Variants in PLD5 observed in about 807,000 individuals in gnomAD.
PLD5 encodes phospholipase D family member 5.
In PLD5, 36 loss-of-function variants were observed where a neutral mutation model predicts 61.1. The observed-to-expected ratio is 0.59, with a 90% CI of 0.45 to 0.78. PLD5 has a LOEUF of 0.78. Among genes scored for constraint, PLD5 ranks in the 30% least tolerant of loss-of-function variants. The pLI, the probability that PLD5 is intolerant of heterozygous loss-of-function variation, is 0.00. For missense variants in PLD5, 515 were observed against 644.4 expected (o/e 0.80, Z 2.17); for synonymous variants, 243 against 242.8 (o/e 1.00, Z -0.01).
At chr1:242,267,680 G>A (rs1382877080) in intron 3 of PLD5, among the ~76,000 whole-genome samples, 1 of 149,280 alleles carries the variant, frequency 6.7e-6, no homozygotes, top group East Asian at 2.0e-4. Context: ...AGGAGTTCGA[G>A]ACCAGCCTGG....
chr1:242,139,022 C>A (rs906134648), intron 5 of PLD5, among the ~76,000 whole-genome samples: 2 of 152,182 alleles, frequency 1.3e-5, no homozygotes, highest in Admixed American at 6.5e-5. Flanking sequence ...CTGACTCAAG[C>A]ATGCTGTCAC....
intron 1 of PLD5, among the ~76,000 whole-genome samples, chr1:242,359,101 T>C (rs1660923755): frequency 6.6e-6 from 1 of 152,168 alleles, no homozygotes; most frequent in South Asian, 2.1e-4. Flanking sequence ...ATCACGGTAC[T>C]GCTGGCAGGT....
chr1:242,128,509 A>G (rs1662980505), intron 5 of PLD5, among the ~76,000 whole-genome samples: 1 of 152,224 alleles, frequency 6.6e-6, no homozygotes, highest in African/African-American at 2.4e-5. Context: ...GAATGATATT[A>G]AATGAAGTAG....
chr1:242,236,102 G>A (rs1671623282), intron 4 of PLD5, among the ~76,000 whole-genome samples: 1 of 152,108 alleles, frequency 6.6e-6, no homozygotes, highest in African/African-American at 2.4e-5. Context: ...GCCCCAGAGA[G>A]ACCCCCAATT....
rs1659614097 is a variant in PLD5 at position 242,089,037 on chromosome 1, A to G, written c.*817T>C. 1 of 317,858 alleles carries G rather than the reference A, an allele frequency of 3.1e-6. No homozygotes were observed. Among genetic ancestry groups the G allele is most frequent in the Non-Finnish European group, 5.7e-6 (1 of 176,130 alleles). 19.7% of individuals were successfully genotyped at this position (317,858 alleles called of 1,614,324 possible). On this transcript the variant is annotated 3_prime_UTR_variant, in exon 10 of 10. Coordinates refer to ENST00000536534, the MANE Select transcript of PLD5 (RefSeq NM_001372062.1). ...GCTGGATATTAGCAGGTGGCTACAT[A>G]ATTTTTCTGAGCTTGAGAGAAAGGA...
At chr1:242,523,712 AC>A (rs1669352116) in intron 1 of PLD5, among the ~76,000 whole-genome samples, 1 of 152,110 alleles carries the variant, frequency 6.6e-6, no homozygotes, top group Non-Finnish European at 1.5e-5. Flanking sequence ...ACGCGGGCAA[AC>A]GCCGCTCTAA....
At position 242,131,298 on chromosome 1, in the gene PLD5, C is replaced by T. The variant is rs907185367; in HGVS notation, c.736-6633G>A. Among the ~76,000 whole-genome samples, 97 of 152,058 alleles carry T rather than the reference C, an allele frequency of 6.4e-4. 1 individual carries two copies. Among genetic ancestry groups the T allele is most frequent in the Non-Finnish European group, 5.7e-4 (39 of 67,870 alleles). On this transcript the variant is annotated intron_variant, in intron 5 of 9. Transcript: ENST00000536534. Reference sequence around the variant, plus strand: ...TTCAGCCTGGCAACAGAGTGAGACTCTGTCTCAAAAAAAACAACAGCAAAA... The same window carrying T: ...TTCAGCCTGGCAACAGAGTGAGACTTTGTCTCAAAAAAAACAACAGCAAAA...
chr1:242,150,419 A>T (rs1345639172), intron 5 of PLD5, among the ~76,000 whole-genome samples: 1 of 151,750 alleles, frequency 6.6e-6, no homozygotes, highest in South Asian at 2.1e-4. Context: ...CTTCAGTTAT[A>T]ATTGTGGGTT....
intron 9 of PLD5, among the ~76,000 whole-genome samples, chr1:242,098,839 G>T (rs950515663): frequency 5.9e-5 from 9 of 152,290 alleles, no homozygotes; most frequent in Admixed American, 3.3e-4. Context: ...GACCCTGTTT[G>T]CCTGGGTATC....
At chr1:242,430,061 C>G (rs1039531) in intron 1 of PLD5, among the ~76,000 whole-genome samples, 51,454 of 151,958 alleles carry the variant, frequency 0.34, 9,083 homozygotes, top group Middle Eastern at 0.47. Flanking sequence ...ACCTTAGGCT[C>G]CACAAGTCTT....
At chr1:242,253,295 C>G (rs1243130473) in intron 4 of PLD5, among the ~76,000 whole-genome samples, 2 of 142,846 alleles carry the variant, frequency 1.4e-5, no homozygotes, top group Non-Finnish European at 3.0e-5. Flanking sequence ...CCACACCCAG[C>G]CTCTCTTCAC....
intron 4 of PLD5, among the ~76,000 whole-genome samples, chr1:242,222,485 T>G (rs1381193175): frequency 6.6e-6 from 1 of 152,196 alleles, no homozygotes; most frequent in Non-Finnish European, 1.5e-5. Flanking sequence ...TGCTCTCTTA[T>G]TCTGCCTAGA....
At chr1:242,459,344 G>A (rs1015233139) in intron 1 of PLD5, among the ~76,000 whole-genome samples, 8 of 152,248 alleles carry the variant, frequency 5.3e-5, no homozygotes, top group Admixed American at 3.3e-4. Context: ...TGCTTTACCC[G>A]ATGCTGAAGT....
Position 242,394,228 on chromosome 1 carries a change from A to G in PLD5, c.190-45986T>C, listed in dbSNP as rs1386321970. ...TGTGTATATGAGTATATATATGTGTATATATATGAGTATATATATGTGTAT... is the reference window on the plus strand; with the variant it reads ...TGTGTATATGAGTATATATATGTGTGTATATATGAGTATATATATGTGTAT... On this transcript the variant is annotated intron_variant, in intron 1 of 9. Coordinates refer to ENST00000536534, the MANE Select transcript of PLD5 (RefSeq NM_001372062.1). Among the ~76,000 whole-genome samples the G allele has an allele frequency of 1.7e-3, 33 of 19,238 alleles. 10 individuals are homozygous for G. In the South Asian group the frequency reaches 0.02, roughly 12 times the overall value. 12.6% of individuals were successfully genotyped at this position (19,238 alleles called of 152,430 possible).
At chr1:242,374,216 AG>A (rs1243575153) in intron 1 of PLD5, among the ~76,000 whole-genome samples, 1 of 152,202 alleles carries the variant, frequency 6.6e-6, no homozygotes, top group Non-Finnish European at 1.5e-5. Context: ...TGCCCTCAAA[AG>A]CAACACAAAC....
intron 4 of PLD5, among the ~76,000 whole-genome samples, chr1:242,220,824 C>T (rs1308676146): frequency 6.6e-6 from 1 of 151,734 alleles, no homozygotes; most frequent in Non-Finnish European, 1.5e-5. Flanking sequence ...GCAACCTCCA[C>T]CTCCCAGGTT....
intron 1 of PLD5, among the ~76,000 whole-genome samples, chr1:242,375,561 A>G (rs1271869833): frequency 1.3e-5 from 2 of 152,240 alleles, no homozygotes; most frequent in Non-Finnish European, 2.9e-5. Flanking sequence ...AACGTTGACT[A>G]CAGTATATCA....
At position 242,431,066 on chromosome 1, in the gene PLD5, T is replaced by C. The variant is rs544647184; in HGVS notation, c.190-82824A>G. On this transcript the variant is annotated intron_variant, in intron 1 of 9. Coordinates refer to ENST00000536534, the MANE Select transcript of PLD5 (RefSeq NM_001372062.1). ...CCAAGCCTCAGGTGAAAAATCGTGG[T>C]GAAATACACATAACATAAAATATAC... Among the ~76,000 whole-genome samples the C allele has an allele frequency of 2.6e-5, 4 of 152,280 alleles. No homozygotes were observed. The East Asian group carries it at 7.7e-4, about 29-fold the overall frequency.
chr1:242,435,047 GT>G (rs34085742), intron 1 of PLD5, among the ~76,000 whole-genome samples: 27 of 149,270 alleles, frequency 1.8e-4, no homozygotes, highest in Non-Finnish European at 3.1e-4. Context: ...CCCAGCCCTT[GT>G]TTTTTTTTTA....
Sources: gnomAD v4.1 joint callset for allele counts (sites outside exome capture counted in the v4.1 genomes callset) on GRCh38, gnomAD v4.1.1 for gene constraint, MANE v1.5 for transcripts, NCBI Gene and HGNC (gene_info 2026-07-23, HGNC 2026-07-21) for gene names.